The following CATSPERB variants were observed in gnomAD, a reference collection of about 807,000 sequenced individuals.
The protein encoded by CATSPERB is catsper channel auxiliary subunit beta, also known as cation channel sperm-associated auxiliary subunit beta.
Under a neutral mutation model 128.3 loss-of-function variants are expected in CATSPERB, and 93 were observed. The observed-to-expected ratio is 0.72, with a 90% CI of 0.61 to 0.86. The LOEUF (loss-of-function observed/expected upper bound fraction) is 0.86, where lower values mean the gene tolerates loss of function less well. Ranked by LOEUF, CATSPERB falls within the 40% of genes least tolerant of loss-of-function variation. The pLI is 0.00. For synonymous variants in CATSPERB, 381 were observed against 448.8 expected, an observed-to-expected ratio of 0.85 and a Z score of 1.91; for missense variants, 1,153 against 1,329.5, an observed-to-expected ratio of 0.87 and a Z score of 2.06.
chr14:91,635,400 G>C (rs1894353846), intron 17 of CATSPERB: 1 of 151,804 alleles, frequency 6.6e-6, no homozygotes, highest in African/African-American at 2.4e-5. Flanking sequence ...ACTCAGGCTG[G>C]AGTGCAACGG....
intron 19 of CATSPERB, among the ~76,000 whole-genome samples, chr14:91,620,386 A>G (rs1212887903): frequency 2.6e-5 from 4 of 152,086 alleles, no homozygotes; most frequent in African/African-American, 9.7e-5. Flanking sequence ...TCTGGGCCTC[A>G]CATCCTCCAG....
At chr14:91,725,401 T>C (rs1305086419) in intron 2 of CATSPERB, among the ~76,000 whole-genome samples, 1 of 152,244 alleles carries the variant, frequency 6.6e-6, no homozygotes, top group Admixed American at 6.5e-5. Flanking sequence ...TAACTCATGC[T>C]AGACCATGAC....
At chr14:91,690,772 C>T (rs1161631910) in intron 10 of CATSPERB, among the ~76,000 whole-genome samples, 2 of 152,234 alleles carry the variant, frequency 1.3e-5, no homozygotes, top group Non-Finnish European at 2.9e-5. Flanking sequence ...CATGTGCACA[C>T]AGACTGGAGC....
At chr14:91,582,199 C>T (rs2139751741) in intron 26 of CATSPERB, among the ~76,000 whole-genome samples, 1 of 152,280 alleles carries the variant, frequency 6.6e-6, no homozygotes, top group Non-Finnish European at 1.5e-5. Context: ...TATAAAACAC[C>T]AGTCTGTGTA....
At chr14:91,666,910 T>C (rs922598382) in intron 14 of CATSPERB, among the ~76,000 whole-genome samples, 1 of 152,186 alleles carries the variant, frequency 6.6e-6, no homozygotes, top group Non-Finnish European at 1.5e-5. Flanking sequence ...CCCGAGATGA[T>C]CTCTTAGAAG....
intron 15 of CATSPERB, among the ~76,000 whole-genome samples, chr14:91,653,679 C>T (rs566370555): frequency 4.6e-5 from 7 of 152,264 alleles, no homozygotes; most frequent in African/African-American, 9.6e-5. Context: ...GAGAATAGCA[C>T]AGGAAAAACC....
At position 91,588,006 on chromosome 14, in the gene CATSPERB, T is replaced by TTA. The variant is rs1274984115; in HGVS notation, c.3027_3028dup (p.Asn1010IlefsTer8). 2 of 1,611,362 alleles carry TTA rather than the reference T, an allele frequency of 1.2e-6. No homozygotes were observed. Among genetic ancestry groups the TTA allele is most frequent in the African/African-American group, 2.7e-5 (2 of 74,890 alleles). On this transcript the variant is annotated frameshift_variant, in exon 25 of 27. Coordinates refer to ENST00000256343, the MANE Select transcript of CATSPERB (RefSeq NM_024764.4). LOFTEE classifies it high-confidence loss of function. ...TATGCTTAAGTTGAGACCTGAAGGA[T>TTA]TATACACTGCAGCACCAAGAATTGG... is the stretch of plus-strand genomic sequence containing the variant.
rs575931826 is a variant in CATSPERB, at chr14:91,667,888, C to T, written c.1287+1926G>A. 8.5e-5 allele frequency among the ~76,000 whole-genome samples: 13 copies of T among 152,346 alleles called. 1 individual carries two copies. The South Asian group carries it at 2.3e-3, about 27-fold the overall frequency. On this transcript the variant is annotated intron_variant, in intron 14 of 26. Coordinates refer to ENST00000256343, the MANE Select transcript of CATSPERB (RefSeq NM_024764.4). ...GTGACAGCCATCTTGCTATTACTCACCTTTGGGCCCTGTATTTTTAACCTC... is the reference window on the plus strand; with the variant it reads ...GTGACAGCCATCTTGCTATTACTCATCTTTGGGCCCTGTATTTTTAACCTC...
At chr14:91,670,595 C>T (rs1246479486) in intron 13 of CATSPERB, among the ~76,000 whole-genome samples, 2 of 151,896 alleles carry the variant, frequency 1.3e-5, no homozygotes, top group East Asian at 1.9e-4. Flanking sequence ...GGCAGAGGAT[C>T]GCTTGAGCCA....
intron 22 of CATSPERB, among the ~76,000 whole-genome samples, chr14:91,605,701 T>A (rs1427744253): frequency 6.6e-6 from 1 of 152,198 alleles, no homozygotes. Flanking sequence ...TGCCTCAGCC[T>A]GGAATGCTGT....
Position 91,659,999 on chromosome 14 carries a change from TA to T in CATSPERB, c.1288-19del, listed in dbSNP as rs1894847729. On this transcript the variant is annotated intron_variant, in intron 14 of 26. Coordinates refer to ENST00000256343, the MANE Select transcript of CATSPERB (RefSeq NM_024764.4). Reference sequence around the variant, plus strand: ...AGCCATATCTAAAGGAATAAAGAGATAATACCTTACTAAAGGGCTGCCATGC... The same window carrying T: ...AGCCATATCTAAAGGAATAAAGAGATATACCTTACTAAAGGGCTGCCATGC... 1 of 1,555,324 alleles carries T rather than the reference TA, an allele frequency of 6.4e-7. No homozygotes were observed. The highest frequency in any genetic ancestry group is 1.4e-5 in the African/African-American group (1 of 71,224).
At chr14:91,725,439 C>T (rs17127521) in intron 2 of CATSPERB, among the ~76,000 whole-genome samples, 1 of 152,058 alleles carries the variant, frequency 6.6e-6, no homozygotes, top group African/African-American at 2.4e-5. Context: ...AGACAAAAAC[C>T]AGTTCTTGAC....
At chr14:91,630,179 C>T (rs1045113167) in intron 17 of CATSPERB, among the ~76,000 whole-genome samples, 51 of 152,222 alleles carry the variant, frequency 3.4e-4, no homozygotes, top group African/African-American at 1.2e-3. Context: ...TTCTAAACAC[C>T]CTCTTCTCTT....
chr14:91,606,500 T>A (rs1034072899), intron 22 of CATSPERB, among the ~76,000 whole-genome samples: 1 of 151,998 alleles, frequency 6.6e-6, no homozygotes, highest in Admixed American at 6.6e-5. Flanking sequence ...GAGGCGGAGG[T>A]TGCAGTGAGC....
At chr14:91,726,737 C>A (rs559315182) in intron 2 of CATSPERB, among the ~76,000 whole-genome samples, 2 of 152,312 alleles carry the variant, frequency 1.3e-5, no homozygotes, top group African/African-American at 4.8e-5. Flanking sequence ...ATGAAGGACT[C>A]ATTCAAGAGC....
At chr14:91,654,711 G>T (rs780654264) in intron 15 of CATSPERB, among the ~76,000 whole-genome samples, 1 of 152,166 alleles carries the variant, frequency 6.6e-6, no homozygotes, top group East Asian at 1.9e-4. Context: ...AACCCTGGCT[G>T]GACTCATCAC....
At chr14:91,730,872 G>C (rs1209288387) in intron 1 of CATSPERB, among the ~76,000 whole-genome samples, 4 of 152,078 alleles carry the variant, frequency 2.6e-5, no homozygotes, top group African/African-American at 9.7e-5. Context: ...CACATTAACA[G>C]GGGAGAACTG....
chr14:91,685,144 C>G (rs866963120), intron 10 of CATSPERB, among the ~76,000 whole-genome samples: 4 of 152,110 alleles, frequency 2.6e-5, no homozygotes, highest in Admixed American at 6.6e-5. Context: ...CCAGGCTAGT[C>G]TAGAGCTCCT....
chr14:91,595,406 G>C (rs186396951), intron 22 of CATSPERB, among the ~76,000 whole-genome samples: 2 of 151,736 alleles, frequency 1.3e-5, no homozygotes, highest in Non-Finnish European at 2.9e-5. Flanking sequence ...TGACCTCGTG[G>C]TCTGCCCATC....
Sources: allele counts gnomAD v4.1 joint callset (sites outside exome capture counted in the v4.1 genomes callset), GRCh38; gene constraint gnomAD v4.1.1; transcripts MANE v1.5; gene names NCBI Gene and HGNC (gene_info 2026-07-23, HGNC 2026-07-21).